The following CTNNA3 variants were observed in gnomAD, a reference collection of about 807,000 sequenced individuals.
The protein encoded by CTNNA3 is catenin alpha-3.
CTNNA3 carries 76 observed loss-of-function variants against 95.7 expected under a neutral mutation model. The observed-to-expected ratio is 0.79, with a 90% CI of 0.66 to 0.96. CTNNA3 has a LOEUF of 0.96. CTNNA3 is among the 40% of genes least tolerant of loss of function. The pLI is 0.00. For missense variants in CTNNA3, 1,191 were observed against 1,089.8 expected (o/e 1.09, Z -1.31); for synonymous variants, 431 against 374.4 (o/e 1.15, Z -1.74).
At chr10:66,425,555 T>TAGTCTTGTCTAAGCATATTTGTCTA (rs2093232252) in intron 11 of CTNNA3, among the ~76,000 whole-genome samples, 1 of 152,056 alleles carries the variant, frequency 6.6e-6, no homozygotes, top group Non-Finnish European at 1.5e-5. Context: ...ACAAGAATCT[T>TAGTCTTGTCTAAGCATATTTGTCTA]AGCATATTTA....
chr10:66,565,145 G>A (rs1356672317), intron 10 of CTNNA3, among the ~76,000 whole-genome samples: 5 of 152,050 alleles, frequency 3.3e-5, no homozygotes, highest in African/African-American at 1.2e-4. Flanking sequence ...AAAAAAGAAA[G>A]ACACAATCTG....
rs574740915 is a variant in CTNNA3, at chr10:66,035,028, G to A, written c.2159+34280C>T. 4.5e-4 allele frequency among the ~76,000 whole-genome samples: 68 copies of A among 152,244 alleles called. 1 individual carries two copies. Among genetic ancestry groups the A allele is most frequent in the Non-Finnish European group, 6.6e-4 (45 of 68,026 alleles). Reference sequence around the variant, plus strand: ...ACTCCACATTTGACCAGCGTGCAGTGTTTGGGGCATTCATTTTTATGTTTG... The same window carrying A: ...ACTCCACATTTGACCAGCGTGCAGTATTTGGGGCATTCATTTTTATGTTTG... On this transcript the variant is annotated intron_variant, in intron 15 of 17. Transcript: ENST00000433211.
chr10:65,982,160 A>C (rs1256599773), intron 16 of CTNNA3, among the ~76,000 whole-genome samples: 1 of 151,564 alleles, frequency 6.6e-6, no homozygotes, highest in African/African-American at 2.4e-5. Flanking sequence ...AAGAAAAAAA[A>C]TCCCATCAAA....
intron 1 of CTNNA3, among the ~76,000 whole-genome samples, chr10:67,707,004 T>TAAGCCA (rs1285047638): frequency 1.3e-5 from 2 of 152,188 alleles, no homozygotes; most frequent in Non-Finnish European, 2.9e-5. Flanking sequence ...AATTACTGCA[T>TAAGCCA]AAGCCAAAGC....
chr10:66,968,299 A>G (rs890894036), intron 7 of CTNNA3, among the ~76,000 whole-genome samples: 5 of 151,228 alleles, frequency 3.3e-5, no homozygotes, highest in African/African-American at 1.2e-4. Context: ...CAGTATGGCA[A>G]GTAAGGAATA....
intron 17 of CTNNA3, among the ~76,000 whole-genome samples, chr10:65,965,433 C>A (rs2077940879): frequency 1.0e-5 from 1 of 96,406 alleles, no homozygotes. Context: ...GAGATGGAGT[C>A]TTGCATTGTC....
chr10:67,130,372 G>C (rs1344567907), intron 7 of CTNNA3, among the ~76,000 whole-genome samples: 2 of 152,052 alleles, frequency 1.3e-5, no homozygotes, highest in East Asian at 1.9e-4. Flanking sequence ...AGGGAGGTGA[G>C]GAAAGAGTAA....
intron 5 of CTNNA3, among the ~76,000 whole-genome samples, chr10:67,302,396 G>A (rs774659188): frequency 2.6e-5 from 4 of 152,088 alleles, no homozygotes; most frequent in Non-Finnish European, 4.4e-5. Context: ...ATTGTATTAT[G>A]TAAATCAATA....
At position 66,963,845 on chromosome 10, in the gene CTNNA3, ATTT is replaced by A. The variant is rs56659477; in HGVS notation, c.1048-188324_1048-188322del. On this transcript the variant is annotated intron_variant, in intron 7 of 17. Transcript: ENST00000433211. ...TTGTTTTATCAGTGCATAGACATCA[ATTT>A]TTTTTTTTTTTTTAAGATGGAGTCT... Among the ~76,000 whole-genome samples the A allele has an allele frequency of 1.7e-3, 243 of 143,990 alleles. 9 individuals are homozygous for A. The East Asian group carries it at 0.039, about 23-fold the overall frequency. The allele number at this position is 143,990 out of a possible 152,430, so 94.5% of individuals were successfully genotyped here.
At chr10:66,622,005 T>C (rs1192156646) in intron 9 of CTNNA3, among the ~76,000 whole-genome samples, 1 of 152,066 alleles carries the variant, frequency 6.6e-6, no homozygotes, top group Non-Finnish European at 1.5e-5. Flanking sequence ...GAGGAGAGAC[T>C]AGTGAGAGAA....
chr10:67,618,048 T>C (rs577543906), intron 2 of CTNNA3, among the ~76,000 whole-genome samples: 4 of 152,274 alleles, frequency 2.6e-5, no homozygotes, highest in East Asian at 3.9e-4. Context: ...AGAGAAATTA[T>C]ATTCATGCTG....
intron 2 of CTNNA3, among the ~76,000 whole-genome samples, chr10:67,623,957 G>C (rs1348974425): frequency 6.6e-6 from 1 of 152,052 alleles, no homozygotes; most frequent in Non-Finnish European, 1.5e-5. Context: ...GGTGGGATTA[G>C]ATTACAGGCA....
In CTNNA3 at chr10:66,625,103, T is replaced by C. The variant is rs1291867299; in HGVS notation, c.1282-3319A>G. Among the ~76,000 whole-genome samples, 2 of 152,176 alleles carry C rather than the reference T, an allele frequency of 1.3e-5. 1 individual carries two copies. The highest frequency in any genetic ancestry group is 2.9e-5 in the Non-Finnish European group (2 of 68,032). On this transcript the variant is annotated intron_variant, in intron 9 of 17. Coordinates refer to ENST00000433211, the MANE Select transcript of CTNNA3 (RefSeq NM_013266.4). The stretch of plus-strand genomic sequence containing the variant: ...AAATAATTACCAATATTGTAATAAT[T>C]TAAAAACAAACAAGAAGTCTTCAAA...
intron 5 of CTNNA3, among the ~76,000 whole-genome samples, chr10:67,487,356 A>T (rs1848484825): frequency 6.6e-6 from 1 of 152,162 alleles, no homozygotes; most frequent in Admixed American, 6.5e-5. Context: ...TGTGTTGATT[A>T]AGCTTTTGCT....
intron 13 of CTNNA3, among the ~76,000 whole-genome samples, chr10:66,107,332 C>T (rs2081952056): frequency 6.6e-6 from 1 of 152,112 alleles, no homozygotes; most frequent in Admixed American, 6.5e-5. Context: ...TTAGTTTCTT[C>T]ACCTGTAAAA....
intron 15 of CTNNA3, among the ~76,000 whole-genome samples, chr10:66,064,058 T>A (rs12571490): frequency 0.11 from 17,223 of 152,130 alleles, 1,167 homozygotes; most frequent in Non-Finnish European, 0.16. Flanking sequence ...GAGGTTTAAT[T>A]GACTCACAGT....
At chr10:67,138,295 T>C (rs914730857) in intron 7 of CTNNA3, among the ~76,000 whole-genome samples, 1 of 152,156 alleles carries the variant, frequency 6.6e-6, no homozygotes, top group Admixed American at 6.5e-5. Flanking sequence ...CTTCAGGTAG[T>C]CATCAAAGAA....
intron 5 of CTNNA3, among the ~76,000 whole-genome samples, chr10:67,434,716 A>G (rs1846238809): frequency 6.6e-6 from 1 of 151,998 alleles, no homozygotes; most frequent in Admixed American, 6.6e-5. Context: ...TGGAAATTTA[A>G]AGCTGAAACC....
chr10:65,930,066 G>A (rs778027072), intron 17 of CTNNA3, among the ~76,000 whole-genome samples: 12 of 151,732 alleles, frequency 7.9e-5, no homozygotes, highest in Non-Finnish European at 1.6e-4. Context: ...ACATTTGTGT[G>A]CACATGCATG....
Sources: allele counts gnomAD v4.1 joint callset (sites outside exome capture counted in the v4.1 genomes callset), GRCh38; gene constraint gnomAD v4.1.1; transcripts MANE v1.5; gene names NCBI Gene and HGNC (gene_info 2026-07-23, HGNC 2026-07-21).